The following VASH2 variants were observed in gnomAD, a reference collection of about 807,000 sequenced individuals.
The protein encoded by VASH2 is vasohibin 2, also known as tubulinyl-Tyr carboxypeptidase 2.
In VASH2, 28 loss-of-function variants were observed where a neutral mutation model predicts 37.2. The observed-to-expected ratio is 0.75, with a 90% CI of 0.56 to 1.03. The LOEUF is 1.03. Ranked by LOEUF, VASH2 falls within the 50% of genes least tolerant of loss-of-function variation. The pLI is 0.00. For synonymous variants in VASH2, 188 were observed against 174.7 expected (o/e 1.08, Z -0.60); for missense variants, 419 against 459.1 (o/e 0.91, Z 0.80).
chr1:212,978,172 G>A (rs1193289525), intron 7 of VASH2, among the ~76,000 whole-genome samples: 1 of 152,150 alleles, frequency 6.6e-6, no homozygotes, highest in East Asian at 1.9e-4. Flanking sequence ...CTCTCCTGGG[G>A]GCCAGACTGG....
chr1:212,964,828 C>A (rs1332285923), intron 3 of VASH2, among the ~76,000 whole-genome samples: 2 of 152,210 alleles, frequency 1.3e-5, no homozygotes, highest in Non-Finnish European at 2.9e-5. Context: ...CATCCATCCA[C>A]CTTTCCATCC....
chr1:212,969,431 C>T (rs564970279), intron 5 of VASH2, among the ~76,000 whole-genome samples: 2 of 152,138 alleles, frequency 1.3e-5, no homozygotes, highest in African/African-American at 2.4e-5. Context: ...CTGCTGACCT[C>T]GTGATCCGCC....
At chr1:212,969,809 C>T (rs1666956034) in intron 5 of VASH2, among the ~76,000 whole-genome samples, 1 of 152,238 alleles carries the variant, frequency 6.6e-6, no homozygotes, top group Non-Finnish European at 1.5e-5. Flanking sequence ...TCTGCAGGTC[C>T]TGGCTCAACA....
At chr1:212,964,922 G>GT (rs754917916) in intron 3 of VASH2, among the ~76,000 whole-genome samples, 4,015 of 138,034 alleles carry the variant, frequency 0.029, 64 homozygotes, top group East Asian at 0.05. Context: ...TTTCTGCCAG[G>GT]TTTTTTTTTT....
At chr1:212,967,259 ACACAATAGTCTCATCCCTG>A (rs1666880307) in intron 5 of VASH2, 1 of 1,292,024 alleles carries the variant, frequency 7.7e-7, no homozygotes, top group African/African-American at 1.5e-5. Context: ...CACCTCCCTT[ACACAATAGTCTCATCCCTG>A]CACAATTTTA....
chr1:212,975,515 C>T (rs184710025), intron 7 of VASH2, among the ~76,000 whole-genome samples: 8 of 152,346 alleles, frequency 5.3e-5, no homozygotes, highest in East Asian at 1.9e-4. Flanking sequence ...CAATCCTCCC[C>T]GTGATGCTGG....
intron 2 of VASH2, among the ~76,000 whole-genome samples, chr1:212,960,812 G>A (rs866590506): frequency 2.6e-5 from 4 of 152,196 alleles, no homozygotes; most frequent in African/African-American, 4.8e-5. Flanking sequence ...TTTCGTGTCC[G>A]TCCTGGGCCA....
Position 212,988,519 on chromosome 1 carries a change from C to T in VASH2, c.1003C>T (p.Leu335=). The T allele has an allele frequency of 1.2e-6, 2 of 1,614,126 alleles. No individual in the cohort carries two copies. The highest frequency in any genetic ancestry group is 2.2e-5 in the East Asian group (1 of 44,890). The change falls in exon 8 of 8, where the codon CTG becomes TTG. Residue 335 remains leucine (L), a synonymous_variant. Coordinates refer to ENST00000517399, the MANE Select transcript of VASH2 (RefSeq NM_001301056.2). ...RLGRREKSPA[L]PEKKVADLST... is the part of the protein sequence containing the mutation. ...TCTGTCTTTTACCCTTAGGCCTGCA[C>T]TGCCTGAAAAGAAGGTGGCTGATCT...
intron 7 of VASH2, among the ~76,000 whole-genome samples, chr1:212,975,533 C>T (rs1667146369): frequency 6.6e-6 from 1 of 152,224 alleles, no homozygotes; most frequent in Non-Finnish European, 1.5e-5. Context: ...TGGCCACTGC[C>T]CTTGACCCTG....
chr1:212,974,203 C>A, intron 7 of VASH2, 133 bp downstream of exon 7: 1 of 1,175,584 alleles, frequency 8.5e-7, no homozygotes, highest in Non-Finnish European at 1.2e-6. Flanking sequence ...AGGACTGCCC[C>A]TCATTCAGGG....
chr1:212,970,115 G>A (rs1666966785), intron 5 of VASH2, among the ~76,000 whole-genome samples: 2 of 152,194 alleles, frequency 1.3e-5, no homozygotes, highest in African/African-American at 4.8e-5. Context: ...GGTTCATTAT[G>A]AGAGGCAGGT....
intron 3 of VASH2, among the ~76,000 whole-genome samples, chr1:212,961,836 G>A (rs1042717730): frequency 2.6e-5 from 4 of 152,240 alleles, no homozygotes; most frequent in African/African-American, 9.6e-5. Context: ...CTTACCTCAA[G>A]TGATCCGCCC....
Position 212,951,674 on chromosome 1 carries a change from C to T in VASH2, c.132C>T (p.Asp44=), listed in dbSNP as rs868203688. 3 of 1,596,570 alleles carry T rather than the reference C, an allele frequency of 1.9e-6. No homozygotes were observed. The South Asian group carries it at 3.4e-5, about 18-fold the overall frequency. The stretch of plus-strand genomic sequence containing the variant: ...GGGGCTCAGAGGAGGAGGACAAAGA[C>T]GGCGGGGTGCTGTTCCACGTCAACA... ...TSGGSEEEDK[D]GGVLFHVNKS... is the part of the protein sequence containing the mutation. The change falls in exon 2 of 8, where the codon GAC becomes GAT. Residue 44 remains aspartate (D), a synonymous_variant. Transcript: ENST00000517399. The surrounding 1 kb of genome is among the most constrained non-coding windows in gnomAD (Gnocchi z 4.4).
chr1:212,953,203 C>T (rs1171310708), intron 2 of VASH2, among the ~76,000 whole-genome samples: 2 of 150,462 alleles, frequency 1.3e-5, no homozygotes, highest in Non-Finnish European at 3.0e-5. Context: ...TGCTTTTATC[C>T]TTCCTCCAAC....
At chr1:212,970,718 C>T (rs1416034971) in intron 5 of VASH2, among the ~76,000 whole-genome samples, 2 of 151,990 alleles carry the variant, frequency 1.3e-5, no homozygotes, top group African/African-American at 4.8e-5. Flanking sequence ...TGTGAAACCC[C>T]GTCTTTACTA....
chr1:212,967,082 C>T lies in VASH2; in HGVS notation c.497+737C>T, dbSNP rs41275392. The stretch of plus-strand genomic sequence containing the variant: ...TTCTAAGAGTGGCGTGTGGAGGAGA[C>T]CAAGCAGTGGTGGTGTATCCTGACT... On this transcript the variant is annotated intron_variant, in intron 5 of 7. Transcript: ENST00000517399. 4.4e-3 allele frequency: 5,733 copies of T among 1,303,288 alleles called. 14 individuals are homozygous for T. The highest frequency in any genetic ancestry group is 5.2e-3 in the Non-Finnish European group (5,174 of 988,046). 80.7% of individuals were successfully genotyped at this position (1,303,288 alleles called of 1,614,324 possible).
At chr1:212,977,295 C>T (rs1219149284) in intron 7 of VASH2, among the ~76,000 whole-genome samples, 1 of 152,142 alleles carries the variant, frequency 6.6e-6, no homozygotes, top group Non-Finnish European at 1.5e-5. Context: ...CTTCTCTGTG[C>T]CTCACCTGTG....
At chr1:212,973,344 A>G (rs1485871347) in intron 6 of VASH2, 1 of 1,257,180 alleles carries the variant, frequency 8.0e-7, no homozygotes, top group African/African-American at 1.5e-5. Context: ...CCTTATATAG[A>G]CTATACTCAT....
intron 2 of VASH2, 33 bp from the exon 3 acceptor site, chr1:212,961,133 C>T (rs1666662435): frequency 5.6e-6 from 9 of 1,611,548 alleles, no homozygotes; most frequent in Non-Finnish European, 6.8e-6. Flanking sequence ...GCGCCTCCTT[C>T]ATAAACACCT....
Sources: allele counts gnomAD v4.1 joint callset (sites outside exome capture counted in the v4.1 genomes callset), GRCh38; gene constraint gnomAD v4.1.1; non-coding constraint Gnocchi (gnomAD v3.1); transcripts MANE v1.5; gene names NCBI Gene and HGNC (gene_info 2026-07-23, HGNC 2026-07-21).